The following GRIK2 variants were observed in gnomAD, a reference collection of about 807,000 sequenced individuals.
GRIK2 encodes glutamate ionotropic receptor kainate type subunit 2, also known as glutamate receptor ionotropic, kainate 2.
GRIK2 carries 32 observed loss-of-function variants against 100.3 expected under a neutral mutation model. That is an observed-to-expected ratio of 0.32 (90% confidence interval 0.24 to 0.43). The LOEUF is 0.43. GRIK2 is among the 20% of genes least tolerant of loss of function. The pLI is 1.00. For synonymous variants in GRIK2, 417 were observed against 389.4 expected (o/e 1.07, Z -0.83); for missense variants, 843 against 1,114.9 (o/e 0.76, Z 3.47).
rs755522043 is a variant in GRIK2 at position 101,998,812 on chromosome 6, CTTTTTTT to C, written c.2086-36516_2086-36510del. ...TGTGTGAGTTTTTCTTTTTTCTTTT[CTTTTTTT>C]TTTTTTTTTTTTGAGTTGGAGTCTC... is the stretch of plus-strand genomic sequence containing the variant. On this transcript the variant is annotated intron_variant, in intron 14 of 16. Transcript: ENST00000369134. Among the ~76,000 whole-genome samples the C allele has an allele frequency of 1.5e-4, 16 of 110,076 alleles. No homozygotes were observed. In the East Asian group the frequency reaches 3.2e-3, roughly 22 times the overall value. 72.2% of individuals were successfully genotyped at this position (110,076 alleles called of 152,430 possible). A position where few individuals can be genotyped will look rare whatever the true frequency, so the allele number is the denominator to read the frequency against.
chr6:101,983,661 T>C (rs1793847474), intron 14 of GRIK2, among the ~76,000 whole-genome samples: 1 of 151,806 alleles, frequency 6.6e-6, no homozygotes, highest in African/African-American at 2.4e-5. Flanking sequence ...TCCTCTTACA[T>C]TTCATACAAG....
intron 15 of GRIK2, 100 bp from the exon 16 acceptor site, chr6:102,055,230 A>G (rs2114504285): frequency 7.3e-6 from 6 of 818,990 alleles, no homozygotes; most frequent in East Asian, 2.5e-5. Context: ...GCACACTTTG[A>G]AGCATTTTGA....
intron 2 of GRIK2, among the ~76,000 whole-genome samples, chr6:101,600,379 T>G (rs564194907): frequency 1.6e-3 from 238 of 151,984 alleles, no homozygotes; most frequent in African/African-American, 5.6e-3. Flanking sequence ...TTTAGCTTTT[T>G]GGGCTATTTT....
chr6:101,771,897 T>C (rs1475601275), intron 7 of GRIK2, among the ~76,000 whole-genome samples: 1 of 152,084 alleles, frequency 6.6e-6, no homozygotes, highest in Non-Finnish European at 1.5e-5. Flanking sequence ...TATTCCATGA[T>C]GTATATGTGC....
chr6:101,543,015 G>A (rs1562213763), intron 2 of GRIK2, among the ~76,000 whole-genome samples: 2 of 152,046 alleles, frequency 1.3e-5, no homozygotes, highest in Admixed American at 1.3e-4. Context: ...AAATTTTGTT[G>A]TATAGAAAAT....
At chr6:101,735,217 A>G (rs2128373701) in intron 7 of GRIK2, among the ~76,000 whole-genome samples, 1 of 152,302 alleles carries the variant, frequency 6.6e-6, no homozygotes, top group African/African-American at 2.4e-5. Flanking sequence ...TAGAGAATGT[A>G]AAAAATGTAG....
rs566093815 is a variant in GRIK2 at position 101,602,272 on chromosome 6, T to A, written c.116-19677T>A. On this transcript the variant is annotated intron_variant, in intron 2 of 16. Coordinates refer to ENST00000369134, the MANE Select transcript of GRIK2 (RefSeq NM_021956.5). ...TTTTGGTGTTGATTTTGATTTTTAT[T>A]CCACTATGGTCTGAGAGTATGGTTG... 5.3e-5 allele frequency among the ~76,000 whole-genome samples: 8 copies of A among 151,668 alleles called. No individual in the cohort carries two copies. In the East Asian group the frequency reaches 1.6e-3, roughly 30 times the overall value.
chr6:102,035,646 T>A, intron 15 of GRIK2, 80 bp downstream of exon 15: 1 of 757,322 alleles, frequency 1.3e-6, no homozygotes. Flanking sequence ...TGTGTCCACG[T>A]ATGCCATTAG....
At chr6:101,600,224 AT>A (rs1440254075) in intron 2 of GRIK2, among the ~76,000 whole-genome samples, 1 of 151,762 alleles carries the variant, frequency 6.6e-6, no homozygotes, top group Non-Finnish European at 1.5e-5. Flanking sequence ...ATGCAAGTTT[AT>A]TTCTGGGTTC....
chr6:101,421,399 T>C (rs143169046), intron 2 of GRIK2, among the ~76,000 whole-genome samples: 2 of 152,288 alleles, frequency 1.3e-5, no homozygotes, highest in East Asian at 1.9e-4. Flanking sequence ...GCAGGGGTCA[T>C]TGGGAGGTCA....
intron 2 of GRIK2, among the ~76,000 whole-genome samples, chr6:101,550,804 AT>A (rs1350579712): frequency 2.6e-5 from 4 of 152,216 alleles, no homozygotes; most frequent in African/African-American, 9.6e-5. Context: ...ATAAGCATTT[AT>A]GATTCCAAGA....
chr6:102,012,341 C>A (rs887929882), intron 14 of GRIK2, among the ~76,000 whole-genome samples: 8 of 151,942 alleles, frequency 5.3e-5, no homozygotes, highest in Admixed American at 1.3e-4. Flanking sequence ...CCTTTTGCCT[C>A]TCCATATAAA....
At chr6:101,685,803 G>A (rs913449598) in intron 6 of GRIK2, among the ~76,000 whole-genome samples, 2 of 151,714 alleles carry the variant, frequency 1.3e-5, no homozygotes, top group East Asian at 3.9e-4. Flanking sequence ...ATTAAAAACA[G>A]CAATAACCAG....
intron 2 of GRIK2, among the ~76,000 whole-genome samples, chr6:101,551,658 G>C (rs185282363): frequency 6.6e-6 from 1 of 152,218 alleles, no homozygotes; most frequent in East Asian, 1.9e-4. Flanking sequence ...AGCGAACAAG[G>C]AAGACAAAGC....
At chr6:101,607,013 G>A (rs1358259656) in intron 2 of GRIK2, among the ~76,000 whole-genome samples, 1 of 151,928 alleles carries the variant, frequency 6.6e-6, no homozygotes, top group Non-Finnish European at 1.5e-5. Flanking sequence ...GATATTTGTT[G>A]TCCTCTGCTA....
At chr6:101,586,282 G>A (rs1267517132) in intron 2 of GRIK2, among the ~76,000 whole-genome samples, 1 of 151,530 alleles carries the variant, frequency 6.6e-6, no homozygotes. Context: ...CTCTACCCAA[G>A]AGTATGAATC....
chr6:101,591,081 C>T (rs902604856), intron 2 of GRIK2, among the ~76,000 whole-genome samples: 2 of 151,916 alleles, frequency 1.3e-5, no homozygotes, highest in South Asian at 4.1e-4. Flanking sequence ...ATATATATGG[C>T]ATTTTTCTGA....
chr6:102,032,269 G>C (rs1016325529), intron 14 of GRIK2, among the ~76,000 whole-genome samples: 1 of 151,210 alleles, frequency 6.6e-6, no homozygotes, highest in African/African-American at 2.4e-5. Context: ...TAGAAAGACA[G>C]TCTGGTGTTG....
chr6:101,853,229 T>C (rs771122517), intron 10 of GRIK2, among the ~76,000 whole-genome samples: 1 of 152,212 alleles, frequency 6.6e-6, no homozygotes, highest in Non-Finnish European at 1.5e-5. Context: ...AGTTGTTCTT[T>C]ACCTCTTCTT....
Sources: gnomAD v4.1 joint callset for allele counts (sites outside exome capture counted in the v4.1 genomes callset) on GRCh38, gnomAD v4.1.1 for gene constraint, MANE v1.5 for transcripts, NCBI Gene and HGNC (gene_info 2026-07-23, HGNC 2026-07-21) for gene names.